The following FOXJ3 variants were observed in gnomAD, a reference collection of about 807,000 sequenced individuals.
FOXJ3 encodes the protein forkhead box protein J3.
A neutral mutation model predicts 76.1 loss-of-function variants in FOXJ3; 22 were observed. The ratio of observed to expected loss-of-function variants is 0.29; its 90% CI spans 0.21 to 0.41. FOXJ3 has a LOEUF of 0.41. Among genes scored for constraint, FOXJ3 ranks in the 10% least tolerant of loss-of-function variants. The pLI is 1.00. For missense variants in FOXJ3, 613 were observed against 762.1 expected (o/e 0.80, Z 2.30); for synonymous variants, 269 against 261.2 (o/e 1.03, Z -0.29).
rs555043335 is a variant in FOXJ3, at chr1:42,299,595, C to T, written c.44+11455G>A. On this transcript the variant is annotated intron_variant, in intron 2 of 12. Coordinates refer to ENST00000361346, the MANE Select transcript of FOXJ3 (RefSeq NM_014947.5). ...GTATGTTTTAAGCGGAGCATTTAGGCCATTTACATTCAAGGTTAATATTGA... is the reference window on the plus strand; with the variant it reads ...GTATGTTTTAAGCGGAGCATTTAGGTCATTTACATTCAAGGTTAATATTGA... Among the ~76,000 whole-genome samples, 4 of 150,652 alleles carry T rather than the reference C, an allele frequency of 2.7e-5. No homozygotes were observed. The East Asian group carries it at 7.8e-4, about 29-fold the overall frequency.
chr1:42,196,418 G>T (rs552846804), intron 7 of FOXJ3, among the ~76,000 whole-genome samples: 1 of 152,222 alleles, frequency 6.6e-6, no homozygotes, highest in South Asian at 2.1e-4. Context: ...AGGGCCGGGT[G>T]CAGTGGCTCA....
chr1:42,176,756 A>G lies in FOXJ3; in HGVS notation c.*2954T>C, dbSNP rs957625850. 7 of 152,644 alleles carry G rather than the reference A, an allele frequency of 4.6e-5. No individual in the cohort carries two copies. Among genetic ancestry groups the G allele is most frequent in the Non-Finnish European group, 1.0e-4 (7 of 68,042 alleles). The allele number at this position is 152,644 out of a possible 1,614,324, so 9.5% of individuals were successfully genotyped here. ...CTGACTGTCCAACAGCAGTACAGAG[A>G]GCAGGTTGTATCTGCACAAAAAGCC... On this transcript the variant is annotated 3_prime_UTR_variant, in exon 13 of 13. Transcript: ENST00000361346.
At chr1:42,191,234 G>C in intron 9 of FOXJ3, 69 bp downstream of exon 9, 2 of 1,420,422 alleles carry the variant, frequency 1.4e-6, no homozygotes, top group South Asian at 2.9e-5. Context: ...TACTACATGA[G>C]CTCTAAATAA....
At chr1:42,267,839 T>C (rs1651585465) in intron 3 of FOXJ3, among the ~76,000 whole-genome samples, 1 of 152,088 alleles carries the variant, frequency 6.6e-6, no homozygotes, top group Admixed American at 6.6e-5. Context: ...ATTTTTAAAA[T>C]TCCTCAGATG....
chr1:42,286,377 T>C lies in FOXJ3; in HGVS notation c.45-7705A>G, dbSNP rs200924977. 5.9e-5 allele frequency among the ~76,000 whole-genome samples: 9 copies of C among 152,344 alleles called. No homozygotes were observed. In the East Asian group the frequency reaches 1.3e-3, roughly 23 times the overall value. ...GCTTTGTGATTAAGAATAGAGGCTC[T>C]GGAGCAAGACTGCCTGGATTGGAAT... On this transcript the variant is annotated intron_variant, in intron 2 of 12. Transcript: ENST00000361346.
In FOXJ3 at chr1:42,316,174, G is replaced by A. The variant is rs558856202; in HGVS notation, c.-17-5064C>T. Among the ~76,000 whole-genome samples, 10 of 151,944 alleles carry A rather than the reference G, an allele frequency of 6.6e-5. 1 individual carries two copies. Among genetic ancestry groups the A allele is most frequent in the African/African-American group, 2.4e-4 (10 of 41,454 alleles). On this transcript the variant is annotated intron_variant, in intron 1 of 12. Coordinates refer to ENST00000361346, the MANE Select transcript of FOXJ3 (RefSeq NM_014947.5). Reference sequence around the variant, plus strand: ...TTTTGAAAAAGCTCTGAATAAGTTCGTTTTGTTTTTAAGAGACAGAGTCTT... The same window carrying A: ...TTTTGAAAAAGCTCTGAATAAGTTCATTTTGTTTTTAAGAGACAGAGTCTT...
chr1:42,333,186 ATATT>A (rs1414653490), intron 1 of FOXJ3, among the ~76,000 whole-genome samples: 1 of 152,158 alleles, frequency 6.6e-6, no homozygotes, highest in Non-Finnish European at 1.5e-5. Flanking sequence ...TCTAAAATCT[ATATT>A]TAAATATTTT....
chr1:42,276,377 A>G (rs1652262817), intron 3 of FOXJ3, among the ~76,000 whole-genome samples: 1 of 152,078 alleles, frequency 6.6e-6, no homozygotes, highest in Non-Finnish European at 1.5e-5. Context: ...GGCGGGGGAA[A>G]GGGGAAGAGA....
At chr1:42,189,522 G>A (rs1646500890) in intron 9 of FOXJ3, 118 bp from the exon 10 acceptor site, 3 of 699,446 alleles carry the variant, frequency 4.3e-6, no homozygotes, top group Admixed American at 2.1e-5. Context: ...GTCTTACAAG[G>A]GGATTTGTAC....
At chr1:42,229,295 C>T (rs183570592) in intron 4 of FOXJ3, among the ~76,000 whole-genome samples, 1 of 152,220 alleles carries the variant, frequency 6.6e-6, no homozygotes, top group Non-Finnish European at 1.5e-5. Flanking sequence ...GGTCTGTATC[C>T]CCTTCTAGGC....
chr1:42,188,627 G>GTA (rs1342544911), intron 11 of FOXJ3, 110 bp downstream of exon 11: 78 of 590,858 alleles, frequency 1.3e-4, no homozygotes, highest in Non-Finnish European at 1.1e-5. Context: ...ATAAAAATTT[G>GTA]TAAACAGATC....
At chr1:42,184,568 G>A (rs918964829) in intron 11 of FOXJ3, among the ~76,000 whole-genome samples, 1 of 151,976 alleles carries the variant, frequency 6.6e-6, no homozygotes, top group Non-Finnish European at 1.5e-5. Context: ...AAGATTTCAG[G>A]CACTGCTCGA....
rs138012798 is a variant in FOXJ3 at position 42,243,674 on chromosome 1, C to T, written c.445-15708G>A. ...CAAAAACAACAAAAAGAGACAAAGA[C>T]AGTCATCATATAATAATAAAGGGAT... is the stretch of plus-strand genomic sequence containing the variant. On this transcript the variant is annotated intron_variant, in intron 4 of 12. Transcript: ENST00000361346. Among the ~76,000 whole-genome samples the T allele has an allele frequency of 3.3e-3, 497 of 152,104 alleles. 3 individuals carry two copies. Among genetic ancestry groups the T allele is most frequent in the Non-Finnish European group, 5.2e-3 (354 of 67,962 alleles).
At chr1:42,216,764 T>TATAA (rs1557644846) in intron 5 of FOXJ3, among the ~76,000 whole-genome samples, 1 of 151,928 alleles carries the variant, frequency 6.6e-6, no homozygotes, top group African/African-American at 2.4e-5. Flanking sequence ...AATTCCTAGA[T>TATAA]ATAAATAAAT....
chr1:42,240,133 T>C (rs566034872), intron 4 of FOXJ3, among the ~76,000 whole-genome samples: 19 of 152,334 alleles, frequency 1.2e-4, no homozygotes, highest in Admixed American at 2.6e-4. Flanking sequence ...TACTTTGATA[T>C]ATATTTTGCT....
intron 5 of FOXJ3, among the ~76,000 whole-genome samples, chr1:42,220,662 C>T (rs1352718431): frequency 6.6e-6 from 1 of 152,158 alleles, no homozygotes; most frequent in African/African-American, 2.4e-5. Context: ...GGATAAACAT[C>T]CCACTCGTTG....
intron 2 of FOXJ3, among the ~76,000 whole-genome samples, chr1:42,290,770 A>G (rs1006962632): frequency 3.9e-5 from 6 of 152,054 alleles, no homozygotes; most frequent in Non-Finnish European, 5.9e-5. Context: ...GGAACTACTC[A>G]ACCCCTCCCA....
intron 2 of FOXJ3, among the ~76,000 whole-genome samples, chr1:42,308,387 T>A (rs75757275): frequency 1.0e-3 from 156 of 152,342 alleles, no homozygotes; most frequent in African/African-American, 3.6e-3. Context: ...AAATTTATTG[T>A]GGTTATTAAG....
chr1:42,302,985 G>C (rs538883836), intron 2 of FOXJ3, among the ~76,000 whole-genome samples: 1 of 148,676 alleles, frequency 6.7e-6, no homozygotes, highest in Admixed American at 6.6e-5. Flanking sequence ...TTCAATTTTA[G>C]TATTCCAAAA....
Sources: gnomAD v4.1 joint callset for allele counts (sites outside exome capture counted in the v4.1 genomes callset) on GRCh38, gnomAD v4.1.1 for gene constraint, MANE v1.5 for transcripts, NCBI Gene and HGNC (gene_info 2026-07-23, HGNC 2026-07-21) for gene names.